Variants in DCAF8 observed in about 807,000 individuals in gnomAD.
The protein encoded by DCAF8 is DDB1- and CUL4-associated factor 8.
DCAF8 carries 20 observed loss-of-function variants against 68.0 expected under a neutral mutation model. The observed-to-expected ratio is 0.29, with a 90% CI of 0.21 to 0.43. The LOEUF is 0.43. DCAF8 is among the 20% of genes least tolerant of loss of function. DCAF8 has a pLI of 1.00. For missense variants in DCAF8, 460 were observed against 771.0 expected, an observed-to-expected ratio of 0.60 and a Z score of 4.78; for synonymous variants, 230 against 276.9, an observed-to-expected ratio of 0.83 and a Z score of 1.68.
At chr1:160,250,017 T>C (rs1656511469) in intron 2 of DCAF8, among the ~76,000 whole-genome samples, 1 of 152,150 alleles carries the variant, frequency 6.6e-6, no homozygotes, top group Non-Finnish European at 1.5e-5. Context: ...CGAAAGGGCA[T>C]GAGAAAACCT....
chr1:160,259,002 C>T (rs1279897580), intron 2 of DCAF8, among the ~76,000 whole-genome samples: 1 of 152,180 alleles, frequency 6.6e-6, no homozygotes, highest in Non-Finnish European at 1.5e-5. Context: ...CTCACCACCA[C>T]CCTGGAGAAT....
At chr1:160,249,989 G>A (rs1656510311) in intron 2 of DCAF8, among the ~76,000 whole-genome samples, 1 of 152,190 alleles carries the variant, frequency 6.6e-6, no homozygotes, top group Non-Finnish European at 1.5e-5. Context: ...CTTGGAGGTA[G>A]GGGAATGAAA....
At chr1:160,236,066 T>A (rs1018677068) in intron 6 of DCAF8, among the ~76,000 whole-genome samples, 5 of 151,790 alleles carry the variant, frequency 3.3e-5, no homozygotes, top group African/African-American at 1.2e-4. Flanking sequence ...GCTAAAAAAA[T>A]GGTGGGGCGG....
rs771241590 is a variant in DCAF8 at position 160,225,069 on chromosome 1, G to A, written c.1194C>T (p.Asp398=). The A allele has an allele frequency of 5.0e-6, 8 of 1,614,160 alleles. No individual in the cohort carries two copies. The highest frequency in any genetic ancestry group is 4.2e-6 in the Non-Finnish European group (5 of 1,180,016). ...TGGGCCCTGCTCACGTACCTGTGCC[G>A]TCGTGGCTGTACACAAGACAGGTGA... The part of the protein sequence containing the change: ...ANITCLVYSH[D]GTELLASYND... The change falls in exon 9 of 14, where the codon GAC becomes GAT. Residue 398 remains aspartate, a synonymous_variant. Transcript: ENST00000368074.
chr1:160,237,189 G>A lies in DCAF8; in HGVS notation c.905C>T (p.Ala302Val). Reference protein sequence around the residue: ...EPDSPCTFLSAGEDAVVFTID... With the variant: ...EPDSPCTFLSVGEDAVVFTID... ...GGTGAAAACAACTGCATCTTCACCTGCAGATAAGAACGTACAGGGAGAGTC... is the reference window on the plus strand; with the variant it reads ...GGTGAAAACAACTGCATCTTCACCTACAGATAAGAACGTACAGGGAGAGTC... Residue 302 changes from alanine (A) to valine (V), a missense_variant, in exon 6 of 14, where the codon GCA (alanine) becomes GTA (valine). By Grantham distance (64) the Ala-to-Val change is moderately conservative (BLOSUM62 0). Coordinates refer to ENST00000368074, the MANE Select transcript of DCAF8 (RefSeq NM_015726.4). The A allele has an allele frequency of 6.3e-7, 1 of 1,579,090 alleles. No homozygotes were observed. Among genetic ancestry groups the A allele is most frequent in the Non-Finnish European group, 8.6e-7 (1 of 1,160,212 alleles).
rs752923101 is a variant in DCAF8, at chr1:160,218,447, C to T, written c.1561-7G>A. ...GCTTGTTCTTCTTAATCACCTGGAA[C>T]CCAAAAAGGTTGGGAAGAGGGGGCA... On this transcript the variant is annotated splice_region_variant and splice_polypyrimidine_tract_variant and intron_variant, in intron 12 of 13. Transcript: ENST00000368074. 2 of 1,612,296 alleles carry T rather than the reference C, an allele frequency of 1.2e-6. No homozygotes were observed. The highest frequency in any genetic ancestry group is 1.7e-5 in the Admixed American group (1 of 60,004).
At chr1:160,247,767 T>C (rs974788820) in intron 2 of DCAF8, among the ~76,000 whole-genome samples, 1 of 152,170 alleles carries the variant, frequency 6.6e-6, no homozygotes, top group Non-Finnish European at 1.5e-5. Flanking sequence ...GCTCAACTTG[T>C]ACCAGAATAA....
chr1:160,229,753 G>C (rs1453414572), intron 7 of DCAF8, among the ~76,000 whole-genome samples: 1 of 152,190 alleles, frequency 6.6e-6, no homozygotes, highest in Non-Finnish European at 1.5e-5. Context: ...CAGGCACAGT[G>C]GCTCATGCCT....
At chr1:160,221,602 A>G (rs983376870) in intron 11 of DCAF8, among the ~76,000 whole-genome samples, 1 of 152,160 alleles carries the variant, frequency 6.6e-6, no homozygotes, top group African/African-American at 2.4e-5. Flanking sequence ...AACCTCATCA[A>G]GAGATGGCTA....
At chr1:160,254,667 C>T (rs891876651) in intron 2 of DCAF8, among the ~76,000 whole-genome samples, 6 of 152,092 alleles carry the variant, frequency 3.9e-5, no homozygotes, top group Non-Finnish European at 8.8e-5. Context: ...TGGCATGCGC[C>T]TGTAGTCTTA....
intron 6 of DCAF8, among the ~76,000 whole-genome samples, chr1:160,233,836 G>A (rs989692440): frequency 3.3e-5 from 5 of 152,052 alleles, no homozygotes; most frequent in African/African-American, 9.7e-5. Context: ...AGAGTACCTT[G>A]AACTCTGCAG....
chr1:160,246,338 G>A (rs1356852929), intron 2 of DCAF8, among the ~76,000 whole-genome samples: 1 of 152,108 alleles, frequency 6.6e-6, no homozygotes, highest in African/African-American at 2.4e-5. Flanking sequence ...ACTCCTACAG[G>A]AGCCCAGACT....
At position 160,225,055 on chromosome 1, in the gene DCAF8, C is replaced by A. The variant is rs1571082100; in HGVS notation, c.1201+7G>T. 16 of 1,614,148 alleles carry A rather than the reference C, an allele frequency of 9.9e-6. No homozygotes were observed. The East Asian group carries it at 3.6e-4, about 36-fold the overall frequency. On this transcript the variant is annotated splice_region_variant and intron_variant, in intron 9 of 13. Coordinates refer to ENST00000368074, the MANE Select transcript of DCAF8 (RefSeq NM_015726.4). ...GCCAGCCTAGGAGCTGGGCCCTGCT[C>A]ACGTACCTGTGCCGTCGTGGCTGTA... is the stretch of plus-strand genomic sequence containing the variant.
chr1:160,225,327 C>T (rs1327134065), intron 8 of DCAF8, among the ~76,000 whole-genome samples: 1 of 152,158 alleles, frequency 6.6e-6, no homozygotes, highest in South Asian at 2.1e-4. Context: ...ATGTGCTAGC[C>T]ATTTTATGTA....
chr1:160,252,414 C>T (rs1013066621), intron 2 of DCAF8, among the ~76,000 whole-genome samples: 3 of 151,992 alleles, frequency 2.0e-5, no homozygotes, highest in Admixed American at 6.5e-5. Context: ...AGGATTTCAA[C>T]GGGTAGAGTT....
intron 11 of DCAF8, among the ~76,000 whole-genome samples, chr1:160,221,937 CAG>C (rs1655311115): frequency 2.6e-5 from 4 of 151,974 alleles, no homozygotes; most frequent in African/African-American, 9.7e-5. Context: ...CAGAGGGCTG[CAG>C]AACTCAAAGG....
rs1224815332 is a variant in DCAF8 at position 160,261,330 on chromosome 1, G to A, written c.-72C>T. On this transcript the variant is annotated 5_prime_UTR_variant, in exon 2 of 14. Coordinates refer to ENST00000368074, the MANE Select transcript of DCAF8 (RefSeq NM_015726.4). ...AAGTAAGGCCAGGCTGAGCTCCTGA[G>A]AAAATAGGTCTGTAGATTCACTGAA... 6.6e-6 allele frequency: 1 copy of A among 152,172 alleles called. No homozygotes were observed. The highest frequency in any genetic ancestry group is 1.5e-5 in the Non-Finnish European group (1 of 68,042). The allele number at this position is 152,172 out of a possible 1,614,324, so 9.4% of individuals were successfully genotyped here.
intron 2 of DCAF8, among the ~76,000 whole-genome samples, chr1:160,257,377 C>G (rs1656878783): frequency 6.6e-6 from 1 of 152,046 alleles, no homozygotes; most frequent in South Asian, 2.1e-4. Context: ...CTTTTATAAT[C>G]TGGATATTTC....
At chr1:160,260,397 T>C (rs1657039080) in intron 2 of DCAF8, among the ~76,000 whole-genome samples, 1 of 152,244 alleles carries the variant, frequency 6.6e-6, no homozygotes. Flanking sequence ...AATAATTTTA[T>C]TCCAGTCCAT....
Sources: allele counts gnomAD v4.1 joint callset (sites outside exome capture counted in the v4.1 genomes callset), GRCh38; gene constraint gnomAD v4.1.1; transcripts MANE v1.5; gene names NCBI Gene and HGNC (gene_info 2026-07-23, HGNC 2026-07-21).